The following AEBP2 variants were observed in gnomAD, a reference collection of about 807,000 sequenced individuals.
AEBP2 encodes the protein AE binding protein 2, also known as zinc finger protein AEBP2.
AEBP2 carries 10 observed loss-of-function variants against 50.8 expected under a neutral mutation model. That is an observed-to-expected ratio of 0.20 (90% CI 0.12 to 0.33). The LOEUF is 0.33. Ranked by LOEUF, AEBP2 falls within the 10% of genes least tolerant of loss-of-function variation. The pLI is 1.00. For missense variants in AEBP2, 570 were observed against 688.0 expected (o/e 0.83, Z 1.92); for synonymous variants, 296 against 261.3 (o/e 1.13, Z -1.28).
intron 3 of AEBP2, among the ~76,000 whole-genome samples, chr12:19,493,251 A>G (rs1948920591): frequency 6.6e-6 from 1 of 152,100 alleles, no homozygotes. Flanking sequence ...AAAATACAAA[A>G]TTAGCCAGGC....
At chr12:19,483,965 A>G (rs768244031) in intron 3 of AEBP2, among the ~76,000 whole-genome samples, 4 of 152,176 alleles carry the variant, frequency 2.6e-5, no homozygotes, top group Non-Finnish European at 5.9e-5. Flanking sequence ...GTCATCAGTA[A>G]TGTTAGAGTG....
intron 1 of AEBP2, among the ~76,000 whole-genome samples, chr12:19,449,877 C>T (rs903890578): frequency 2.0e-5 from 3 of 152,118 alleles, no homozygotes; most frequent in African/African-American, 7.2e-5. Context: ...GTGCAAGGCT[C>T]TAACTAGGTT....
chr12:19,440,159 G>A lies in AEBP2; in HGVS notation c.460G>A (p.Gly154Ser), dbSNP rs748095646. The A allele has an allele frequency of 2.0e-6, 3 of 1,504,292 alleles. No individual in the cohort carries two copies. The highest frequency in any genetic ancestry group is 2.7e-5 in the East Asian group (1 of 37,702). The allele number at this position is 1,504,292 out of a possible 1,614,324, so 93.2% of individuals were successfully genotyped here. Residue 154 changes from glycine (G) to serine (S), a missense_variant, in exon 1 of 8, where the codon GGC (glycine) becomes AGC (serine). Transcript: ENST00000266508. Reference protein sequence around the residue: ...AASSSSGDGDGKEGLEEPKGP... With the variant: ...AASSSSGDGDSKEGLEEPKGP... ...CAGCAGCAGCAGCGGGGATGGGGAC[G>A]GCAAGGAGGGCCTGGAGGAGCCCAA...
At chr12:19,510,817 C>T (rs1316472313) in intron 5 of AEBP2, among the ~76,000 whole-genome samples, 1 of 143,236 alleles carries the variant, frequency 7.0e-6, no homozygotes, top group Admixed American at 6.9e-5. Context: ...AGTTTTTGTT[C>T]TCAATTTTTA....
intron 5 of AEBP2, among the ~76,000 whole-genome samples, chr12:19,507,289 A>C (rs1449880881): frequency 6.6e-6 from 1 of 152,216 alleles, no homozygotes; most frequent in African/African-American, 2.4e-5. Context: ...GGGAGAAGTG[A>C]TGTAAAAGGG....
At chr12:19,465,791 C>CT (rs11284427) in intron 2 of AEBP2, among the ~76,000 whole-genome samples, 137 of 107,624 alleles carry the variant, frequency 1.3e-3, no homozygotes, top group Admixed American at 3.3e-3. Context: ...ATTGTTTTTT[C>CT]TTTTTTTTTT....
Position 19,440,252 on chromosome 12 carries a change from G to T in AEBP2, c.553G>T (p.Gly185Cys). The T allele has an allele frequency of 2.0e-6, 3 of 1,470,020 alleles. No homozygotes were observed. The South Asian group carries it at 4.1e-5, about 20-fold the overall frequency. 91.1% of individuals were successfully genotyped at this position (1,470,020 alleles called of 1,614,324 possible). A position where few individuals can be genotyped will look rare whatever the true frequency, so the allele number is the denominator to read the frequency against. ...SSSSSVVSSG[G>C]DEGYGTGGGG... ...TAGCAGCAGCGTAGTCTCCAGCGGC[G>T]GCGACGAGGGCTACGGGACTGGGGG... is the stretch of plus-strand genomic sequence containing the variant. The change falls in exon 1 of 8, where the codon GGC becomes TGC. Residue 185 changes from glycine to cysteine, a missense_variant. Gly to Cys is a radical substitution (Grantham distance 159). Coordinates refer to ENST00000266508, the MANE Select transcript of AEBP2 (RefSeq NM_153207.5).
rs368913713 is a variant in AEBP2, at chr12:19,448,683, T to C, written c.671+8313T>C. On this transcript the variant is annotated intron_variant, in intron 1 of 7. Coordinates refer to ENST00000266508, the MANE Select transcript of AEBP2 (RefSeq NM_153207.5). Reference sequence around the variant, plus strand: ...AGAAAAAGAGAACAGTTTTTTTTTGTTTTGTTTGTACTTCGAGACAGGGTC... The same window carrying C: ...AGAAAAAGAGAACAGTTTTTTTTTGCTTTGTTTGTACTTCGAGACAGGGTC... Among the ~76,000 whole-genome samples the C allele has an allele frequency of 9.2e-5, 14 of 152,214 alleles. No homozygotes were observed. In the East Asian group the frequency reaches 2.3e-3, roughly 25 times the overall value.
chr12:19,478,758 C>T (rs183281263), intron 3 of AEBP2, among the ~76,000 whole-genome samples: 9 of 152,136 alleles, frequency 5.9e-5, no homozygotes, highest in Admixed American at 2.6e-4. Flanking sequence ...ATTTAATTTC[C>T]ATGTGTTTGT....
intron 1 of AEBP2, chr12:19,456,732 T>A (rs2153369149): frequency 6.3e-7 from 1 of 1,590,874 alleles, no homozygotes; most frequent in East Asian, 2.2e-5. Context: ...AGAAAGAGTT[T>A]CACTCAAAGC....
intron 1 of AEBP2, chr12:19,457,761 C>T (rs1393674037): frequency 5.9e-6 from 3 of 506,756 alleles, no homozygotes; most frequent in Non-Finnish European, 9.1e-6. Flanking sequence ...GTCAAAATGT[C>T]ACAGCAGCAT....
At chr12:19,427,597 C>T (rs1004734769) in intron 1 of AEBP2, among the ~76,000 whole-genome samples, 6 of 150,972 alleles carry the variant, frequency 4.0e-5, no homozygotes, top group Non-Finnish European at 8.9e-5. Flanking sequence ...CTTCTATGAG[C>T]GAATTTCCAT....
intron 3 of AEBP2, among the ~76,000 whole-genome samples, chr12:19,485,188 A>G (rs1948788088): frequency 6.6e-6 from 1 of 152,204 alleles, no homozygotes; most frequent in African/African-American, 2.4e-5. Context: ...CAAAGCCTAT[A>G]CAAATGTTTT....
chr12:19,496,777 T>G (rs1394381822), intron 4 of AEBP2, among the ~76,000 whole-genome samples: 1 of 150,712 alleles, frequency 6.6e-6, no homozygotes, highest in African/African-American at 2.4e-5. Flanking sequence ...TTCTCCCACC[T>G]CAGCCTCCCA....
chr12:19,510,574 T>TA (rs1355203463), intron 5 of AEBP2, among the ~76,000 whole-genome samples: 1 of 152,320 alleles, frequency 6.6e-6, no homozygotes, highest in Admixed American at 6.5e-5. Flanking sequence ...GTACGTAACT[T>TA]AAACATTTTT....
chr12:19,480,624 T>C (rs889593395), intron 3 of AEBP2, among the ~76,000 whole-genome samples: 4 of 152,224 alleles, frequency 2.6e-5, no homozygotes, highest in Non-Finnish European at 4.4e-5. Context: ...CCCAGTCTCT[T>C]CTGGCTTGTA....
At chr12:19,472,962 G>A (rs1382989948) in intron 2 of AEBP2, among the ~76,000 whole-genome samples, 1 of 152,024 alleles carries the variant, frequency 6.6e-6, no homozygotes. Context: ...ATGGCCCATG[G>A]TCTCAGTTCC....
chr12:19,509,462 T>TG (rs1187009837), intron 5 of AEBP2, among the ~76,000 whole-genome samples: 1 of 152,154 alleles, frequency 6.6e-6, no homozygotes, highest in Admixed American at 6.6e-5. Flanking sequence ...AAAGTGAAGT[T>TG]GAGGCTGGGT....
chr12:19,500,280 C>A (rs747061981), intron 5 of AEBP2, 59 bp downstream of exon 5: 1 of 1,334,516 alleles, frequency 7.5e-7, no homozygotes, highest in Non-Finnish European at 9.9e-7. Context: ...AATATTTCCA[C>A]AATCATTTCT....
Sources: allele counts gnomAD v4.1 joint callset (sites outside exome capture counted in the v4.1 genomes callset), GRCh38; gene constraint gnomAD v4.1.1; transcripts MANE v1.5; gene names NCBI Gene and HGNC (gene_info 2026-07-23, HGNC 2026-07-21).